OSBPL5: variants seen among roughly 807,000 people sequenced by gnomAD.
OSBPL5 encodes the protein oxysterol-binding protein-related protein 5.
Under a neutral mutation model 111.2 loss-of-function variants are expected in OSBPL5, and 71 were observed. The observed-to-expected ratio is 0.64, with a 90% CI of 0.53 to 0.78. The LOEUF is 0.78. Among genes scored for constraint, OSBPL5 ranks in the 30% least tolerant of loss-of-function variants. The pLI is 0.00. For synonymous variants in OSBPL5, 549 were observed against 513.9 expected (o/e 1.07, Z -0.93); for missense variants, 1,210 against 1,189.3 (o/e 1.02, Z -0.26).
intron 7 of OSBPL5, among the ~76,000 whole-genome samples, chr11:3,112,525 C>G (rs1477672204): frequency 1.5e-5 from 2 of 134,614 alleles, no homozygotes; most frequent in Non-Finnish European, 3.1e-5. Context: ...ACAGTGGTTA[C>G]TCTTGGGCTT....
chr11:3,106,511 C>A lies in OSBPL5; in HGVS notation c.1059+752G>T, dbSNP rs764506303. Among the ~76,000 whole-genome samples the A allele has an allele frequency of 5.3e-5, 8 of 152,110 alleles. No individual in the cohort carries two copies. The highest frequency in any genetic ancestry group is 1.2e-4 in the Non-Finnish European group (8 of 68,018). ...CTTCCGGACTCCCCTTCCTGAGGCG[C>A]CCCACGGTGCCCAGGGCCACGTGAG... On this transcript the variant is annotated intron_variant, in intron 9 of 21. Coordinates refer to ENST00000263650, the MANE Select transcript of OSBPL5 (RefSeq NM_020896.4). The surrounding 1 kb of genome is among the most constrained non-coding windows in gnomAD (Gnocchi z 8.4).
chr11:3,104,056 C>T lies in OSBPL5; in HGVS notation c.1244+137G>A. Reference sequence around the variant, plus strand: ...GACAGGGCCCCCTGGGAGGCTACAGCTGCAGAAACAGTGGGCTGAGATCAG... The same window carrying T: ...GACAGGGCCCCCTGGGAGGCTACAGTTGCAGAAACAGTGGGCTGAGATCAG... On this transcript the variant is annotated intron_variant, in intron 10 of 21. Coordinates refer to ENST00000263650, the MANE Select transcript of OSBPL5 (RefSeq NM_020896.4). The surrounding 1 kb of genome is among the most constrained non-coding windows in gnomAD (Gnocchi z 5.0). The T allele has an allele frequency of 9.0e-7, 1 of 1,115,116 alleles. No homozygotes were observed. The highest frequency in any genetic ancestry group is 1.3e-6 in the Non-Finnish European group (1 of 799,624). The allele number at this position is 1,115,116 out of a possible 1,614,324, so 69.1% of individuals were successfully genotyped here. A position where few individuals can be genotyped will look rare whatever the true frequency, so the allele number is the denominator to read the frequency against.
At chr11:3,134,870 G>C (rs1845908715) in intron 1 of OSBPL5, among the ~76,000 whole-genome samples, 1 of 152,208 alleles carries the variant, frequency 6.6e-6, no homozygotes, top group South Asian at 2.1e-4. Flanking sequence ...TGGGTGCCGG[G>C]TGCAGGCCCG....
At chr11:3,091,140 G>A (rs903742715) in intron 19 of OSBPL5, among the ~76,000 whole-genome samples, 5 of 152,228 alleles carry the variant, frequency 3.3e-5, no homozygotes, top group African/African-American at 1.2e-4. Context: ...ATGTCAAGGG[G>A]CATCTCCAGG....
chr11:3,107,288 T>G lies in OSBPL5; in HGVS notation c.1034A>C (p.Glu345Ala). Residue 345 changes from glutamate to alanine, a missense_variant, in exon 9 of 22, where the codon GAG becomes GCG. Transcript: ENST00000263650. The surrounding 1 kb of genome is among the most constrained non-coding windows in gnomAD (Gnocchi z 6.1). ...APVRRGTTYV[E>A]QVQEELGELG... Reference sequence around the variant, plus strand: ...CTCCCCCAGCTCCTCCTGGACCTGCTCCACATAGGTGGTCCCTCTCCGCAC... The same window carrying G: ...CTCCCCCAGCTCCTCCTGGACCTGCGCCACATAGGTGGTCCCTCTCCGCAC... 6.2e-7 allele frequency: 1 copy of G among 1,613,296 alleles called. No homozygotes were observed. Among genetic ancestry groups the G allele is most frequent in the Non-Finnish European group, 8.5e-7 (1 of 1,179,906 alleles).
In OSBPL5 at chr11:3,154,929, A is replaced by ATAATAG. The variant is rs1334756667; in HGVS notation, c.-22+10286_-22+10287insCTATTA. On this transcript the variant is annotated intron_variant, in intron 1 of 21. Coordinates refer to ENST00000263650, the MANE Select transcript of OSBPL5 (RefSeq NM_020896.4). This position sits in a 1 kb window ranked among gnomAD's most constrained non-coding sequence, Gnocchi z 4.9. ...TTAAAGTATAATAATAATAATAATA[A>ATAATAG]TAAAAAGAGCCCATTAAATTAAAAC... Among the ~76,000 whole-genome samples the ATAATAG allele has an allele frequency of 7.9e-5, 12 of 152,168 alleles. No homozygotes were observed. The East Asian group carries it at 2.3e-3, about 29-fold the overall frequency.
chr11:3,092,370 G>A lies in OSBPL5; in HGVS notation c.2259+62C>T, dbSNP rs1590630005. The A allele has an allele frequency of 1.3e-6, 2 of 1,501,686 alleles. No homozygotes were observed. Among genetic ancestry groups the A allele is most frequent in the African/African-American group, 2.8e-5 (2 of 72,144 alleles). The allele number at this position is 1,501,686 out of a possible 1,614,324, so 93.0% of individuals were successfully genotyped here. ...AGGGAGGAGTGAGGTGAGGAGCGAGGGGTGGTGGTGGCCACACGTGCAGCT... is the reference window on the plus strand; with the variant it reads ...AGGGAGGAGTGAGGTGAGGAGCGAGAGGTGGTGGTGGCCACACGTGCAGCT... On this transcript the variant is annotated intron_variant, in intron 19 of 21. Transcript: ENST00000263650. The surrounding 1 kb of genome is among the most constrained non-coding windows in gnomAD (Gnocchi z 5.4).
At chr11:3,159,278 A>G (rs1474012329) in intron 1 of OSBPL5, among the ~76,000 whole-genome samples, 1 of 151,994 alleles carries the variant, frequency 6.6e-6, no homozygotes, top group Admixed American at 6.5e-5. Context: ...GGATCTCACT[A>G]CCTCTGTAGC....
At chr11:3,099,784 C>A (rs557863481) in intron 14 of OSBPL5, among the ~76,000 whole-genome samples, 15 of 152,030 alleles carry the variant, frequency 9.9e-5, no homozygotes, top group Admixed American at 6.6e-4. Flanking sequence ...AAGTCATGGG[C>A]GAGGCTGGGC....
chr11:3,120,574 C>G lies in OSBPL5; in HGVS notation c.453G>C (p.Pro151=), dbSNP rs778122967. 1.2e-6 allele frequency: 2 copies of G among 1,613,296 alleles called. No individual in the cohort carries two copies. Among genetic ancestry groups the G allele is most frequent in the African/African-American group, 2.7e-5 (2 of 75,066 alleles). The change falls in exon 6 of 22, where the codon CCG becomes CCC. Residue 151 remains proline, a synonymous_variant. Coordinates refer to ENST00000263650, the MANE Select transcript of OSBPL5 (RefSeq NM_020896.4). ...SWTKLWCVLK[P]GVLLIYKTPK... is the part of the protein sequence containing the mutation. ...GCGTCTTGTAGATGAGCAGCACCCC[C>G]GGCTTCAGCACGCACCACAGCTTGG...
intron 14 of OSBPL5, among the ~76,000 whole-genome samples, chr11:3,099,289 T>C (rs1386048682): frequency 6.6e-6 from 1 of 152,182 alleles, no homozygotes; most frequent in East Asian, 1.9e-4. Flanking sequence ...TTCTGTGAGA[T>C]GTGGTAATGG....
rs866856805 is a variant in OSBPL5 at position 3,106,029 on chromosome 11, C to T, written c.1059+1234G>A. ...GCTGTCCCGAGGCCCTTGCCTAACC[C>T]GCCGGTGGCTTCCCCAATACTCTCA... On this transcript the variant is annotated intron_variant, in intron 9 of 21. Coordinates refer to ENST00000263650, the MANE Select transcript of OSBPL5 (RefSeq NM_020896.4). This position sits in a 1 kb window ranked among gnomAD's most constrained non-coding sequence, Gnocchi z 8.4. Among the ~76,000 whole-genome samples the T allele has an allele frequency of 2.6e-5, 4 of 152,154 alleles. No individual in the cohort carries two copies. The highest frequency in any genetic ancestry group is 4.4e-5 in the Non-Finnish European group (3 of 68,004).
Position 3,126,168 on chromosome 11 carries a change from C to T in OSBPL5, c.219+305G>A, listed in dbSNP as rs904373728. ...AGAGTTCTATATTATCCTGGAATTA[C>T]CATGTGACCTAGCAATTCCAATTAC... On this transcript the variant is annotated intron_variant, in intron 3 of 21. Coordinates refer to ENST00000263650, the MANE Select transcript of OSBPL5 (RefSeq NM_020896.4). This position sits in a 1 kb window ranked among gnomAD's most constrained non-coding sequence, Gnocchi z 6.5. Among the ~76,000 whole-genome samples, 1 of 152,190 alleles carries T rather than the reference C, an allele frequency of 6.6e-6. No homozygotes were observed. The highest frequency in any genetic ancestry group is 6.5e-5 in the Admixed American group (1 of 15,286).
chr11:3,097,287 A>G (rs7108415), intron 14 of OSBPL5, among the ~76,000 whole-genome samples: 119,474 of 151,856 alleles, frequency 0.79, 47,037 homozygotes, highest in South Asian at 0.86. Context: ...TCCACTAAGC[A>G]GGCACTCTCA....
intron 19 of OSBPL5, among the ~76,000 whole-genome samples, chr11:3,091,699 C>A (rs531653168): frequency 2.0e-5 from 3 of 152,290 alleles, no homozygotes; most frequent in African/African-American, 7.2e-5. Context: ...TCCCTAGTCC[C>A]TTGGCAGGCA....
chr11:3,093,755 A>T lies in OSBPL5; in HGVS notation c.1800T>A (p.Ser600Arg). ...AGGGACGGCCCCTTACCCAGTGGCC[A>T]CTGAGGCTCGCCAGGACTTCCTCTC... ...TSGEEVLASL[S>R]GHWDRDVFIK... Residue 600 changes from serine to arginine, a missense_variant, in exon 16 of 22, where the codon AGT (serine) becomes AGA (arginine). Ser to Arg is a moderately radical substitution (Grantham distance 110). Transcript: ENST00000263650. The T allele has an allele frequency of 6.2e-7, 1 of 1,613,086 alleles. No homozygotes were observed. The highest frequency in any genetic ancestry group is 1.1e-5 in the South Asian group (1 of 91,084).
intron 3 of OSBPL5, among the ~76,000 whole-genome samples, chr11:3,125,666 G>T (rs921601869): frequency 6.6e-6 from 1 of 152,222 alleles, no homozygotes; most frequent in South Asian, 2.1e-4. Context: ...TTGGCCGGGC[G>T]TGGTGGCGGG....
In OSBPL5 at chr11:3,110,386, C is replaced by T. The variant is rs1261344178; in HGVS notation, c.692-2441G>A. ...GGAATCCCTCCAGGTGGAGGATCAT[C>T]GCAGTCACAGCTGCCTGAGCGGCCA... On this transcript the variant is annotated intron_variant, in intron 7 of 21. Transcript: ENST00000263650. The surrounding 1 kb of genome is among the most constrained non-coding windows in gnomAD (Gnocchi z 5.3). Among the ~76,000 whole-genome samples, 3 of 152,226 alleles carry T rather than the reference C, an allele frequency of 2.0e-5. No individual in the cohort carries two copies. Among genetic ancestry groups the T allele is most frequent in the Admixed American group, 6.5e-5 (1 of 15,290 alleles).
At chr11:3,149,090 C>A (rs1278821539) in intron 1 of OSBPL5, among the ~76,000 whole-genome samples, 1 of 152,200 alleles carries the variant, frequency 6.6e-6, no homozygotes, top group East Asian at 1.9e-4. Context: ...TATCAGCTGC[C>A]AAAGCCACCT....
Sources: allele counts gnomAD v4.1 joint callset (sites outside exome capture counted in the v4.1 genomes callset), GRCh38; gene constraint gnomAD v4.1.1; non-coding constraint Gnocchi (gnomAD v3.1); transcripts MANE v1.5; gene names NCBI Gene and HGNC (gene_info 2026-07-23, HGNC 2026-07-21).